SLC12A5: variants seen among roughly 807,000 people sequenced by gnomAD.
SLC12A5 encodes K-Cl cotransporter 2.
In SLC12A5, 18 loss-of-function variants were observed where a neutral mutation model predicts 124.0. That is an observed-to-expected ratio of 0.15 (90% CI 0.10 to 0.22). The LOEUF (loss-of-function observed/expected upper bound fraction) is 0.22. Among genes scored for constraint, SLC12A5 ranks in the 10% least tolerant of loss-of-function variants. The pLI is 1.00. For missense variants in SLC12A5, 867 were observed against 1,478.7 expected, an observed-to-expected ratio of 0.59 and a Z score of 6.78; for synonymous variants, 589 against 568.0, an observed-to-expected ratio of 1.04 and a Z score of -0.53.
intron 1 of SLC12A5, among the ~76,000 whole-genome samples, chr20:46,034,532 G>A (rs2145481146): frequency 6.6e-6 from 1 of 152,344 alleles, no homozygotes; most frequent in South Asian, 2.1e-4. Flanking sequence ...GGAGATGTCA[G>A]AGGGGGTCAC....
chr20:46,056,593 G>A lies in SLC12A5; in HGVS notation c.3110+29G>A. ...CGGGCCTGGGGGCTAAGGGCTGGGGGCTGGGGTGAGCTAAAGGGTCTTGCT... is the reference window on the plus strand; with the variant it reads ...CGGGCCTGGGGGCTAAGGGCTGGGGACTGGGGTGAGCTAAAGGGTCTTGCT... On this transcript the variant is annotated intron_variant, in intron 23 of 25. Transcript: ENST00000243964. This position sits in a 1 kb window ranked among gnomAD's most constrained non-coding sequence, Gnocchi z 4.3. 6.3e-7 allele frequency: 1 copy of A among 1,599,206 alleles called. No homozygotes were observed. Among genetic ancestry groups the A allele is most frequent in the Non-Finnish European group, 8.5e-7 (1 of 1,171,840 alleles).
At position 46,057,726 on chromosome 20, in the gene SLC12A5, C is replaced by G. The variant is rs1373014198; in HGVS notation, c.*121C>G. On this transcript the variant is annotated 3_prime_UTR_variant, in exon 26 of 26. Transcript: ENST00000243964. The surrounding 1 kb of genome is among the most constrained non-coding windows in gnomAD (Gnocchi z 7.1). ...CCTGTGCCCGTGTCCTGGCCCCTTA[C>G]CCCGCTGCCTGAAGCCCGGAGGCCA... 3 of 763,548 alleles carry G rather than the reference C, an allele frequency of 3.9e-6. No individual in the cohort carries two copies. Among genetic ancestry groups the G allele is most frequent in the Non-Finnish European group, 6.1e-6 (3 of 491,106 alleles). 47.3% of individuals were successfully genotyped at this position (763,548 alleles called of 1,614,324 possible). A position where few individuals can be genotyped will look rare whatever the true frequency, so the allele number is the denominator to read the frequency against.
rs368007120 is a variant in SLC12A5 at position 46,045,483 on chromosome 20, C to T, written c.1569+343C>T. The stretch of plus-strand genomic sequence containing the variant: ...GAAAAAATAAATGGCCCTGTTTTGG[C>T]ACTGTGGTTGGTCGGAGACCTGGGG... On this transcript the variant is annotated intron_variant, in intron 12 of 25. Coordinates refer to ENST00000243964, the MANE Select transcript of SLC12A5 (RefSeq NM_020708.5). The surrounding 1 kb of genome is among the most constrained non-coding windows in gnomAD (Gnocchi z 4.9). Among the ~76,000 whole-genome samples, 129 of 152,202 alleles carry T rather than the reference C, an allele frequency of 8.5e-4. No homozygotes were observed. Among genetic ancestry groups the T allele is most frequent in the African/African-American group, 2.7e-3 (114 of 41,502 alleles).
At chr20:46,034,647 G>A (rs1411029931) in intron 1 of SLC12A5, among the ~76,000 whole-genome samples, 2 of 152,262 alleles carry the variant, frequency 1.3e-5, no homozygotes, top group South Asian at 2.1e-4. Flanking sequence ...ACACCGGTAT[G>A]AGCCCAGCTA....
Position 46,053,014 on chromosome 20 carries a change from C to T in SLC12A5, c.2435C>T (p.Ser812Phe), listed in dbSNP as rs2084659357. 1.2e-6 allele frequency: 2 copies of T among 1,614,168 alleles called. No individual in the cohort carries two copies. ...HLALLVTKNV[S>F]MFPGNPERFS... is the part of the protein sequence containing the mutation. ...GCCCTGCTGGTCACCAAGAACGTTT[C>T]CATGTTTCCTGGGAACCCTGAGCGC... The change falls in exon 19 of 26, where the codon TCC (serine) becomes TTC (phenylalanine). Residue 812 changes from serine (S) to phenylalanine (F), a missense_variant. Ser to Phe is a radical substitution (Grantham distance 155). This residue lies in a region of SLC12A5 where 110 missense variants were observed against 149.9 expected (regional missense o/e 0.73). Coordinates refer to ENST00000243964, the MANE Select transcript of SLC12A5 (RefSeq NM_020708.5). The surrounding 1 kb of genome is among the most constrained non-coding windows in gnomAD (Gnocchi z 4.7).
In SLC12A5 at chr20:46,057,407, C is replaced by A; in HGVS notation, c.3259+104C>A. The A allele has an allele frequency of 6.2e-7, 1 of 1,604,404 alleles. No individual in the cohort carries two copies. The highest frequency in any genetic ancestry group is 8.5e-7 in the Non-Finnish European group (1 of 1,171,376). ...TGAGCTGTTCCTGCCTCCGGATCAGCACCTCGGACAGGGACACGGGCGCGA... is the reference window on the plus strand; with the variant it reads ...TGAGCTGTTCCTGCCTCCGGATCAGAACCTCGGACAGGGACACGGGCGCGA... On this transcript the variant is annotated intron_variant, in intron 25 of 25. Coordinates refer to ENST00000243964, the MANE Select transcript of SLC12A5 (RefSeq NM_020708.5). This position sits in a 1 kb window ranked among gnomAD's most constrained non-coding sequence, Gnocchi z 7.1.
intron 7 of SLC12A5, 149 bp from the exon 8 acceptor site, chr20:46,041,177 AGCC>A: frequency 1.5e-6 from 1 of 651,042 alleles, no homozygotes; most frequent in Non-Finnish European, 2.6e-6. Context: ...AAAAAAAAAA[AGCC>A]AATGGCCAGG....
chr20:46,037,749 A>G (rs1485708599), intron 6 of SLC12A5, among the ~76,000 whole-genome samples: 1 of 152,220 alleles, frequency 6.6e-6, no homozygotes, highest in Non-Finnish European at 1.5e-5. Context: ...GCTCTCAGAT[A>G]GGCGGCAGAG....
chr20:46,023,577 C>T (rs1032665665), exon 3 of SLC12A5: 1 of 397,928 alleles, frequency 2.5e-6, no homozygotes, highest in Non-Finnish European at 4.4e-6. Flanking sequence ...AGGCCAAAGC[C>T]TTAAGTCTGT....
upstream of SLC12A5, among the ~76,000 whole-genome samples, chr20:46,028,541 A>T (rs2084417481): frequency 6.6e-6 from 1 of 151,956 alleles, no homozygotes; most frequent in East Asian, 1.9e-4. Context: ...GCGCTACCCC[A>T]CCCATTTTAA....
Position 46,045,733 on chromosome 20 carries a change from C to A in SLC12A5, c.1570-145C>A. The A allele has an allele frequency of 3.1e-6, 2 of 653,660 alleles. No homozygotes were observed. Among genetic ancestry groups the A allele is most frequent in the Non-Finnish European group, 5.3e-6 (2 of 378,670 alleles). The allele number at this position is 653,660 out of a possible 1,614,324, so 40.5% of individuals were successfully genotyped here. On this transcript the variant is annotated intron_variant, in intron 12 of 25. Transcript: ENST00000243964. This position sits in a 1 kb window ranked among gnomAD's most constrained non-coding sequence, Gnocchi z 4.9. ...CGAAAGCCTGTTATCCATTTGCATT[C>A]TCCTGGAGGAAGAGAAATGCATCCT...
In SLC12A5 at chr20:46,023,316, T is replaced by C. The variant is rs1044894736; in HGVS notation, c.191-53T>C. The C allele has an allele frequency of 1.3e-5, 5 of 398,500 alleles. No individual in the cohort carries two copies. The South Asian group carries it at 3.8e-4, about 30-fold the overall frequency. 24.7% of individuals were successfully genotyped at this position (398,500 alleles called of 1,614,324 possible). A position where few individuals can be genotyped will look rare whatever the true frequency, so the allele number is the denominator to read the frequency against. On this transcript the variant is annotated intron_variant, in intron 2 of 2. Coordinates refer to the SLC12A5 transcript ENST00000413737. ...GAATGACCTTACCAGCCTCCCAGAT[T>C]TGAAAGTAAGAAATTCTGGAGCCAT...
rs1308020041 is a variant in SLC12A5, at chr20:46,043,951, G to A, written c.1394+18G>A. 6.4e-7 allele frequency: 1 copy of A among 1,568,414 alleles called. No individual in the cohort carries two copies. The highest frequency in any genetic ancestry group is 8.7e-7 in the Non-Finnish European group (1 of 1,150,892). ...CGGGACAAGTAAGATAATTGGGGTTGATCCTATTCTGGGGGAGGGGTGGGT... is the reference window on the plus strand; with the variant it reads ...CGGGACAAGTAAGATAATTGGGGTTAATCCTATTCTGGGGGAGGGGTGGGT... On this transcript the variant is annotated intron_variant, in intron 11 of 25. Transcript: ENST00000243964.
At chr20:46,046,509 C>T in intron 14 of SLC12A5, 73 bp downstream of exon 14, 1 of 1,355,806 alleles carries the variant, frequency 7.4e-7, no homozygotes, top group Non-Finnish European at 1.1e-6. Context: ...TTACTCCAGT[C>T]CATCCCCTCT....
At chr20:46,023,953 G>A (rs868774644), downstream of SLC12A5, among the ~76,000 whole-genome samples, 17 of 151,996 alleles carry the variant, frequency 1.1e-4, no homozygotes, top group African/African-American at 3.9e-4. Context: ...CTCTTCTCTC[G>A]CTCCTCATCC....
chr20:46,053,186 G>A lies in SLC12A5; in HGVS notation c.2547+60G>A. 1 of 1,533,574 alleles carries A rather than the reference G, an allele frequency of 6.5e-7. No homozygotes were observed. Among genetic ancestry groups the A allele is most frequent in the Non-Finnish European group, 8.9e-7 (1 of 1,122,870 alleles). 95.0% of individuals were successfully genotyped at this position (1,533,574 alleles called of 1,614,324 possible). ...TGTGTGTATGCATGTATGCATTTGT[G>A]TGCATATGTGCACAACTGCAGGTCA... On this transcript the variant is annotated intron_variant, in intron 19 of 25. Transcript: ENST00000243964. This position sits in a 1 kb window ranked among gnomAD's most constrained non-coding sequence, Gnocchi z 4.7.
chr20:46,043,782 G>A (rs1236491427), intron 10 of SLC12A5, 51 bp downstream of exon 10: 2 of 1,612,374 alleles, frequency 1.2e-6, no homozygotes, highest in African/African-American at 1.3e-5. Flanking sequence ...GCAAGAGGGA[G>A]GGCAGCTGAA....
chr20:46,024,731 G>A (rs114059811), upstream of SLC12A5, among the ~76,000 whole-genome samples: 594 of 152,346 alleles, frequency 3.9e-3, 7 homozygotes, highest in African/African-American at 0.014. Flanking sequence ...GCAAGGCCAA[G>A]CCTCAAATCT....
intron 1 of SLC12A5, chr20:46,022,100 G>A (rs1225020419): frequency 3.7e-6 from 2 of 539,156 alleles, no homozygotes; most frequent in Non-Finnish European, 6.0e-6. Flanking sequence ...AACGCGAGGT[G>A]GGCGTGGCCA....
Sources: allele counts gnomAD v4.1 joint callset (sites outside exome capture counted in the v4.1 genomes callset), GRCh38; gene constraint gnomAD v4.1.1; regional missense constraint gnomAD v4.1.1; non-coding constraint Gnocchi (gnomAD v3.1); transcripts MANE v1.5; gene names NCBI Gene and HGNC (gene_info 2026-07-23, HGNC 2026-07-21).